The following PAK5 variants were observed in gnomAD, a reference collection of about 807,000 sequenced individuals.
PAK5 encodes the protein p21 (RAC1) activated kinase 5.
In PAK5, 16 loss-of-function variants were observed where a neutral mutation model predicts 65.9. The observed-to-expected ratio is 0.24, with a 90% confidence interval of 0.16 to 0.37. The LOEUF (loss-of-function observed/expected upper bound fraction) is 0.37. Among genes scored for constraint, PAK5 ranks in the 10% least tolerant of loss-of-function variants. The pLI, the probability that PAK5 is intolerant of heterozygous loss-of-function variation, is 1.00. For synonymous variants in PAK5, 371 were observed against 354.9 expected, an observed-to-expected ratio of 1.05 and a Z score of -0.51; for missense variants, 785 against 903.9, an observed-to-expected ratio of 0.87 and a Z score of 1.69.
At chr20:9,809,945 C>T (rs1242369955) in intron 1 of PAK5, among the ~76,000 whole-genome samples, 1 of 152,210 alleles carries the variant, frequency 6.6e-6, no homozygotes, top group African/African-American at 2.4e-5. Flanking sequence ...TTTCCTCTGA[C>T]ATTCCATTTT....
At chr20:9,562,058 T>C (rs2045599057) in intron 6 of PAK5, among the ~76,000 whole-genome samples, 1 of 152,182 alleles carries the variant, frequency 6.6e-6, no homozygotes, top group Admixed American at 6.5e-5. Context: ...CAATGCCCTT[T>C]TCCTCCTACT....
At chr20:9,647,907 C>T (rs2047153995) in intron 2 of PAK5, among the ~76,000 whole-genome samples, 1 of 152,226 alleles carries the variant, frequency 6.6e-6, no homozygotes, top group South Asian at 2.1e-4. Context: ...GAGGCCCACA[C>T]TCAGCTGAAA....
chr20:9,824,901 C>T (rs16996439), intron 1 of PAK5, among the ~76,000 whole-genome samples: 24,250 of 152,066 alleles, frequency 0.16, 2,105 homozygotes, highest in Middle Eastern at 0.22. Context: ...TGGTACATGC[C>T]ACCTGAAGTA....
intron 1 of PAK5, among the ~76,000 whole-genome samples, chr20:9,725,963 C>T (rs1014307685): frequency 1.3e-5 from 2 of 151,922 alleles, no homozygotes; most frequent in South Asian, 4.1e-4. Context: ...ATTTGACATC[C>T]TAGAGGAAAG....
At chr20:9,599,347 T>G (rs1381690053) in intron 3 of PAK5, among the ~76,000 whole-genome samples, 2 of 152,216 alleles carry the variant, frequency 1.3e-5, no homozygotes, top group African/African-American at 4.8e-5. Context: ...TTCAAGTCCT[T>G]GTTTTGAACT....
chr20:9,640,689 T>C (rs1189508163), intron 3 of PAK5, among the ~76,000 whole-genome samples: 1 of 152,132 alleles, frequency 6.6e-6, no homozygotes, highest in Non-Finnish European at 1.5e-5. Context: ...TGTTCAGATG[T>C]GTTCAGAATT....
chr20:9,733,569 T>A (rs1269248795), intron 1 of PAK5, among the ~76,000 whole-genome samples: 1 of 152,006 alleles, frequency 6.6e-6, no homozygotes, highest in African/African-American at 2.4e-5. Flanking sequence ...CTCAGCCTCC[T>A]AAGTAGCTGA....
chr20:9,694,826 A>T (rs999833005), intron 2 of PAK5, among the ~76,000 whole-genome samples: 3 of 152,038 alleles, frequency 2.0e-5, no homozygotes, highest in Non-Finnish European at 4.4e-5. Context: ...TTTCTAATTC[A>T]GGACTTTTAA....
intron 1 of PAK5, among the ~76,000 whole-genome samples, chr20:9,794,781 C>A (rs1223942880): frequency 6.6e-6 from 1 of 151,882 alleles, no homozygotes; most frequent in Non-Finnish European, 1.5e-5. Context: ...TTTTTTAAGG[C>A]AACAGTTCTC....
chr20:9,645,235 T>C (rs1313913587), intron 2 of PAK5, among the ~76,000 whole-genome samples: 1 of 151,580 alleles, frequency 6.6e-6, no homozygotes. Flanking sequence ...TTTTTTACAG[T>C]GTACTTTACC....
intron 1 of PAK5, among the ~76,000 whole-genome samples, chr20:9,793,400 T>A (rs1350430363): frequency 6.6e-6 from 1 of 152,102 alleles, no homozygotes; most frequent in East Asian, 1.9e-4. Context: ...AGGTTACCTA[T>A]AGGTTGGTCA....
At chr20:9,677,066 T>C (rs2047583680) in intron 2 of PAK5, among the ~76,000 whole-genome samples, 1 of 142,828 alleles carries the variant, frequency 7.0e-6, no homozygotes. Context: ...TGTGTGTGTG[T>C]GTGTGTGTGT....
Position 9,566,360 on chromosome 20 carries a change from C to T in PAK5, c.1015G>A (p.Val339Ile), listed in dbSNP as rs2123002488. The change falls in exon 5 of 10, where the codon GTC becomes ATC. Residue 339 changes from valine (V) to isoleucine (I), a missense_variant. This residue lies in a region of PAK5 where 422 missense variants were observed against 413.3 expected (regional missense o/e 1.02). Coordinates refer to ENST00000353224, the MANE Select transcript of PAK5 (RefSeq NM_177990.4). Reference sequence around the variant, plus strand: ...GACCCTGACAGTGGAGGGCTGAGGACCATCTGTGCTCGATCGTAATCCACC... The same window carrying T: ...GACCCTGACAGTGGAGGGCTGAGGATCATCTGTGCTCGATCGTAATCCACC... ...PKVDYDRAQM[V>I]LSPPLSGSDT... The T allele has an allele frequency of 6.2e-7, 1 of 1,613,326 alleles. No homozygotes were observed. Among genetic ancestry groups the T allele is most frequent in the Non-Finnish European group, 8.5e-7 (1 of 1,179,716 alleles).
At chr20:9,681,047 T>C (rs1237077072) in intron 2 of PAK5, among the ~76,000 whole-genome samples, 1 of 152,230 alleles carries the variant, frequency 6.6e-6, no homozygotes, top group Non-Finnish European at 1.5e-5. Flanking sequence ...TATCAATTTT[T>C]GCGTCTATGT....
intron 1 of PAK5, among the ~76,000 whole-genome samples, chr20:9,722,341 C>G (rs1206507870): frequency 6.6e-6 from 1 of 152,038 alleles, no homozygotes; most frequent in Non-Finnish European, 1.5e-5. Flanking sequence ...AAGGCAAGGC[C>G]GGGCGTCGTG....
intron 1 of PAK5, among the ~76,000 whole-genome samples, chr20:9,803,010 C>T (rs2327229): frequency 0.31 from 44,762 of 145,112 alleles, 8,395 homozygotes; most frequent in Non-Finnish European, 0.42. Flanking sequence ...CAAATACTAG[C>T]TAAGTACAGA....
chr20:9,742,243 C>T (rs1422065820), intron 1 of PAK5, among the ~76,000 whole-genome samples: 5 of 152,024 alleles, frequency 3.3e-5, no homozygotes, highest in African/African-American at 1.2e-4. Context: ...ATATCAGGTG[C>T]CAAGTGTACA....
At chr20:9,830,474 G>A (rs542936745) in intron 1 of PAK5, among the ~76,000 whole-genome samples, 2 of 152,178 alleles carry the variant, frequency 1.3e-5, no homozygotes, top group African/African-American at 4.8e-5. Flanking sequence ...TGGTATTCAT[G>A]GTGAACTAAA....
chr20:9,713,009 A>T (rs2048096264), intron 1 of PAK5, among the ~76,000 whole-genome samples: 2 of 152,172 alleles, frequency 1.3e-5, no homozygotes, highest in South Asian at 4.1e-4. Context: ...AACCAAAAGT[A>T]GACAAATGGG....
Sources: allele counts gnomAD v4.1 joint callset (sites outside exome capture counted in the v4.1 genomes callset), GRCh38; gene constraint gnomAD v4.1.1; regional missense constraint gnomAD v4.1.1; transcripts MANE v1.5; gene names NCBI Gene and HGNC (gene_info 2026-07-23, HGNC 2026-07-21).